Variants in DIP2A observed in about 807,000 individuals in gnomAD.
The protein encoded by DIP2A is DIP2 acetate--CoA ligase A, also known as disco-interacting protein 2 homolog A.
In DIP2A, 85 loss-of-function variants were observed where a neutral mutation model predicts 177.4. That is an observed-to-expected ratio of 0.48 (90% CI 0.40 to 0.57). DIP2A has a LOEUF of 0.57. DIP2A is among the 20% of genes least tolerant of loss of function. DIP2A has a pLI of 0.00. For synonymous variants in DIP2A, 886 were observed against 881.8 expected (o/e 1.00, Z -0.08); for missense variants, 1,791 against 2,100.2 (o/e 0.85, Z 2.88).
Position 46,524,872 on chromosome 21 carries a change from C to CTTTTTTTTTTTTTTTTTTTTTTTTTTTTT in DIP2A, c.1103-4216_1103-4188dup, listed in dbSNP as rs3061062. 7.9e-5 allele frequency among the ~76,000 whole-genome samples: 5 copies of CTTTTTTTTTTTTTTTTTTTTTTTTTTTTT among 63,396 alleles called. 1 individual carries two copies. Among genetic ancestry groups the CTTTTTTTTTTTTTTTTTTTTTTTTTTTTT allele is most frequent in the Non-Finnish European group, 1.1e-4 (4 of 35,376 alleles). 41.6% of individuals were successfully genotyped at this position (63,396 alleles called of 152,430 possible). A position where few individuals can be genotyped will look rare whatever the true frequency, so the allele number is the denominator to read the frequency against. On this transcript the variant is annotated intron_variant, in intron 8 of 37. Coordinates refer to ENST00000417564, the MANE Select transcript of DIP2A (RefSeq NM_015151.4). Reference sequence around the variant, plus strand: ...TTTCTTTTATGATTTTTGCTTTTTGCTTTTTTTTTTTTTTTTTTTTTTTTT... The same window carrying CTTTTTTTTTTTTTTTTTTTTTTTTTTTTT: ...TTTCTTTTATGATTTTTGCTTTTTGCTTTTTTTTTTTTTTTTTTTTTTTTTTTTTTTTTTTTTTTTTTTTTTTTTTTTTT...
At chr21:46,525,260 G>T (rs1466175962) in intron 8 of DIP2A, among the ~76,000 whole-genome samples, 2 of 152,056 alleles carry the variant, frequency 1.3e-5, no homozygotes, top group Non-Finnish European at 2.9e-5. Context: ...CATTAATTTG[G>T]GAAAATGCTG....
intron 1 of DIP2A, among the ~76,000 whole-genome samples, chr21:46,468,261 C>CAAAAAAAAA (rs1207842729): frequency 1.5e-4 from 13 of 87,850 alleles, no homozygotes; most frequent in African/African-American, 6.1e-4. Flanking sequence ...GAGACTGTCT[C>CAAAAAAAAA]AAAAAAAAAA....
At chr21:46,490,818 C>A in intron 3 of DIP2A, 99 bp downstream of exon 3, 1 of 1,380,080 alleles carries the variant, frequency 7.2e-7, no homozygotes. Context: ...GCCACAATAT[C>A]TGCCAAAGAA....
At chr21:46,544,276 A>G (rs1368541362) in intron 18 of DIP2A, among the ~76,000 whole-genome samples, 1 of 152,178 alleles carries the variant, frequency 6.6e-6, no homozygotes, top group Non-Finnish European at 1.5e-5. Flanking sequence ...GGCCTGAGAC[A>G]TCGTGCTCCA....
At chr21:46,539,807 A>G in intron 16 of DIP2A, 70 bp from the exon 17 acceptor site, 3 of 1,294,882 alleles carry the variant, frequency 2.3e-6, no homozygotes, top group Non-Finnish European at 3.4e-6. Flanking sequence ...TAACTTGAGC[A>G]TGTCCAGCCA....
chr21:46,479,857 AG>A (rs2056208584), intron 1 of DIP2A, among the ~76,000 whole-genome samples: 1 of 152,216 alleles, frequency 6.6e-6, no homozygotes, highest in Non-Finnish European at 1.5e-5. Context: ...AATTGCAGTC[AG>A]ATAGGCTCTA....
rs2148894204 is a variant in DIP2A, at chr21:46,557,245, A to G, written c.3629+176A>G. The G allele has an allele frequency of 2.8e-6, 2 of 701,754 alleles. No individual in the cohort carries two copies. The highest frequency in any genetic ancestry group is 4.1e-4 in the Middle Eastern group (1 of 2,466). The allele number at this position is 701,754 out of a possible 1,614,324, so 43.5% of individuals were successfully genotyped here. A position where few individuals can be genotyped will look rare whatever the true frequency, so the allele number is the denominator to read the frequency against. ...TGAGTCTGAAATTGAGTGAAAATAC[A>G]TTTTTCATTAAATACACTGTCCGTT... On this transcript the variant is annotated intron_variant, in intron 30 of 37. Coordinates refer to ENST00000417564, the MANE Select transcript of DIP2A (RefSeq NM_015151.4). This position sits in a 1 kb window ranked among gnomAD's most constrained non-coding sequence, Gnocchi z 6.0.
At chr21:46,577,325 G>T in the DIP2A span, among the ~76,000 whole-genome samples, 4 of 152,084 alleles carry the variant, frequency 2.6e-5, no homozygotes, top group East Asian at 7.7e-4. Context: ...TAAGGAAGGG[G>T]TCCAGTTTTA....
chr21:46,513,655 G>A (rs4819258), intron 8 of DIP2A, among the ~76,000 whole-genome samples: 24,199 of 151,976 alleles, frequency 0.16, 2,161 homozygotes, highest in African/African-American at 0.21. Flanking sequence ...TTCAATTTGA[G>A]TAGAATTAAT....
intron 24 of DIP2A, 35 bp from the exon 25 acceptor site, chr21:46,551,789 G>A (rs576067417): frequency 5.5e-5 from 88 of 1,612,960 alleles, no homozygotes; most frequent in Non-Finnish European, 6.4e-5. Context: ...TCTGTGCCCC[G>A]GAGGCGCCAG....
At chr21:46,530,088 T>A (rs1819038974) in intron 9 of DIP2A, among the ~76,000 whole-genome samples, 1 of 152,204 alleles carries the variant, frequency 6.6e-6, no homozygotes, top group Non-Finnish European at 1.5e-5. Context: ...AACATTTCTG[T>A]CATCATAGAA....
chr21:46,470,707 T>G (rs1601353613), intron 1 of DIP2A, among the ~76,000 whole-genome samples: 2 of 141,666 alleles, frequency 1.4e-5, no homozygotes, highest in African/African-American at 5.3e-5. Context: ...GGAAATGGAG[T>G]GAGCAGAGAT....
the DIP2A span, among the ~76,000 whole-genome samples, chr21:46,582,092 G>A: frequency 1.3e-5 from 2 of 152,114 alleles, no homozygotes; most frequent in Admixed American, 6.5e-5. Flanking sequence ...ATCCCCCTAA[G>A]GACTCCATTC....
intron 1 of DIP2A, among the ~76,000 whole-genome samples, chr21:46,473,318 C>T (rs1276917006): frequency 6.6e-6 from 1 of 151,692 alleles, no homozygotes; most frequent in Non-Finnish European, 1.5e-5. Flanking sequence ...AAAAAATTAG[C>T]AAGGTGTGTT....
intron 1 of DIP2A, among the ~76,000 whole-genome samples, chr21:46,477,973 A>G (rs1326599545): frequency 1.3e-5 from 2 of 152,084 alleles, no homozygotes; most frequent in African/African-American, 2.4e-5. Context: ...GCAGTTGGGT[A>G]ATCAGTTGAC....
the DIP2A span, among the ~76,000 whole-genome samples, chr21:46,575,789 T>C: frequency 1.4e-4 from 22 of 152,220 alleles, no homozygotes; most frequent in Non-Finnish European, 2.6e-4. Flanking sequence ...GTTCATGGAT[T>C]GGAAGTCTTA....
intron 2 of DIP2A, among the ~76,000 whole-genome samples, chr21:46,486,780 T>C (rs2056725699): frequency 6.6e-6 from 1 of 152,218 alleles, no homozygotes. Flanking sequence ...ATATTTGCCC[T>C]AGAGAAACTC....
chr21:46,459,432 A>G (rs2054082176), intron 1 of DIP2A, among the ~76,000 whole-genome samples: 1 of 128,034 alleles, frequency 7.8e-6, no homozygotes, highest in South Asian at 2.7e-4. Context: ...CCCCGGAGAC[A>G]CCGTTCCTCA....
intron 28 of DIP2A, chr21:46,555,715 G>A (rs1013088917): frequency 3.1e-5 from 15 of 487,212 alleles, no homozygotes; most frequent in East Asian, 1.2e-4. Context: ...GGTCAGTGAC[G>A]TGATGCCTCC....
Sources: allele counts gnomAD v4.1 joint callset (sites outside exome capture counted in the v4.1 genomes callset), GRCh38; gene constraint gnomAD v4.1.1; non-coding constraint Gnocchi (gnomAD v3.1); transcripts MANE v1.5; gene names NCBI Gene and HGNC (gene_info 2026-07-23, HGNC 2026-07-21).